Variants in ZNF423 observed in about 807,000 individuals in gnomAD.
The protein encoded by ZNF423 is zinc finger protein 423, also known as Ebf-associated zinc finger protein.
In ZNF423, 12 loss-of-function variants were observed where a neutral mutation model predicts 95.8. The ratio of observed to expected loss-of-function variants is 0.13; its 90% CI spans 0.08 to 0.20. The LOEUF is 0.20. Among genes scored for constraint, ZNF423 ranks in the 10% least tolerant of loss-of-function variants. ZNF423 has a pLI of 1.00. For synonymous variants in ZNF423, 749 were observed against 711.9 expected (o/e 1.05, Z -0.83); for missense variants, 1,316 against 1,737.1 (o/e 0.76, Z 4.31).
intron 5 of ZNF423, among the ~76,000 whole-genome samples, chr16:49,594,865 A>G (rs866743314): frequency 6.6e-6 from 1 of 152,354 alleles, no homozygotes; most frequent in Non-Finnish European, 1.5e-5. Flanking sequence ...TACGACAGGC[A>G]CACACAGGGC....
rs1023326112 is a variant in ZNF423, at chr16:49,637,884, G to A, written c.1292C>T (p.Ala431Val). 2 of 1,614,148 alleles carry A rather than the reference G, an allele frequency of 1.2e-6. No individual in the cohort carries two copies. Among genetic ancestry groups the A allele is most frequent in the Non-Finnish European group, 1.7e-6 (2 of 1,180,034 alleles). The change falls in exon 4 of 8, where the codon GCC (alanine) becomes GTC (valine). Residue 431 changes from alanine to valine, a missense_variant. Coordinates refer to ENST00000563137, the MANE Select transcript of ZNF423 (RefSeq NM_001379286.1). The surrounding 1 kb of genome is among the most constrained non-coding windows in gnomAD (Gnocchi z 5.6). The part of the protein sequence containing the change: ...YCSKRDFNSL[A>V]VLEIHLKTIH... The stretch of plus-strand genomic sequence containing the variant: ...GGTCTTCAGGTGGATCTCCAGCACG[G>A]CCAGGCTGTTAAAGTCCCGCTTGGA...
intron 5 of ZNF423, among the ~76,000 whole-genome samples, chr16:49,537,576 C>T (rs948667487): frequency 6.6e-6 from 1 of 152,198 alleles, no homozygotes; most frequent in Non-Finnish European, 1.5e-5. Flanking sequence ...ATTGGGTCTA[C>T]TCTGGGGAAG....
chr16:49,858,183 G>T (rs1011736750), upstream of ZNF423, among the ~76,000 whole-genome samples: 1 of 151,680 alleles, frequency 6.6e-6, no homozygotes, highest in South Asian at 2.1e-4. The surrounding 1 kb of genome is among the most constrained non-coding windows in gnomAD (Gnocchi z 4.3). Context: ...GTTACCCAGG[G>T]CAACCTTTCA....
chr16:49,857,289 C>T (rs2035381440), upstream of ZNF423, among the ~76,000 whole-genome samples: 2 of 142,426 alleles, frequency 1.4e-5, no homozygotes, highest in South Asian at 4.5e-4. This position sits in a 1 kb window ranked among gnomAD's most constrained non-coding sequence, Gnocchi z 6.2. Context: ...CGGCCGCCCG[C>T]AAAACCCGGA....
upstream of ZNF423, among the ~76,000 whole-genome samples, chr16:49,859,033 G>A (rs2035403299): frequency 6.6e-6 from 1 of 152,208 alleles, no homozygotes; most frequent in Admixed American, 6.5e-5. Context: ...GGCTTTCTGG[G>A]GGGCTGGAGA....
intron 7 of ZNF423, among the ~76,000 whole-genome samples, chr16:49,497,923 GC>G (rs1967227954): frequency 6.6e-6 from 1 of 152,226 alleles, no homozygotes; most frequent in South Asian, 2.1e-4. Context: ...CACAATCCTG[GC>G]CTTTTAAGGA....
At chr16:49,742,916 C>T (rs1306816506) in intron 2 of ZNF423, among the ~76,000 whole-genome samples, 2 of 152,148 alleles carry the variant, frequency 1.3e-5, no homozygotes, top group African/African-American at 2.4e-5. Context: ...TAAACAGAGG[C>T]GGTGTGAATG....
chr16:49,693,430 T>C (rs1051183729), intron 3 of ZNF423, among the ~76,000 whole-genome samples: 4 of 152,184 alleles, frequency 2.6e-5, no homozygotes, highest in African/African-American at 4.8e-5. Context: ...TCCTGTCTTA[T>C]GCGTGAATAA....
At chr16:49,835,443 C>A (rs993888177) in intron 1 of ZNF423, among the ~76,000 whole-genome samples, 3 of 152,190 alleles carry the variant, frequency 2.0e-5, no homozygotes, top group Non-Finnish European at 4.4e-5. Context: ...GGACCTGGTG[C>A]AAAATAAAAG....
chr16:49,493,367 A>T (rs1457447138), intron 7 of ZNF423, among the ~76,000 whole-genome samples: 2 of 152,118 alleles, frequency 1.3e-5, no homozygotes, highest in African/African-American at 4.8e-5. Context: ...CATGAGCTAG[A>T]CTGACCTCCT....
chr16:49,522,213 C>G (rs1227961885), intron 7 of ZNF423, among the ~76,000 whole-genome samples: 2 of 152,192 alleles, frequency 1.3e-5, no homozygotes, highest in Non-Finnish European at 2.9e-5. Flanking sequence ...TTAGGGCTCC[C>G]TTCTCCTTCC....
chr16:49,656,790 G>A lies in ZNF423; in HGVS notation c.302-17916C>T, dbSNP rs150740406. On this transcript the variant is annotated intron_variant, in intron 3 of 7. Coordinates refer to ENST00000563137, the MANE Select transcript of ZNF423 (RefSeq NM_001379286.1). ...CACGTGTTGTCTCATTTTATTTTTT[G>A]TCTCCAAGAAAAAAAATGAGTTGTC... Among the ~76,000 whole-genome samples, 239 of 152,030 alleles carry A rather than the reference G, an allele frequency of 1.6e-3. 1 individual carries two copies. The highest frequency in any genetic ancestry group is 5.2e-3 in the African/African-American group (216 of 41,486).
At chr16:49,562,977 G>A (rs929123814) in intron 5 of ZNF423, among the ~76,000 whole-genome samples, 4 of 152,026 alleles carry the variant, frequency 2.6e-5, no homozygotes, top group African/African-American at 7.3e-5. Context: ...GTAGAGATGG[G>A]GTTTCACCAT....
In ZNF423 at chr16:49,839,961, G is replaced by C. The variant is rs75131361; in HGVS notation, c.40+15774C>G. 9.2e-3 allele frequency among the ~76,000 whole-genome samples: 1,406 copies of C among 152,328 alleles called. 24 individuals are homozygous for C. Among genetic ancestry groups the C allele is most frequent in the African/African-American group, 0.032 (1,316 of 41,562 alleles). On this transcript the variant is annotated intron_variant, in intron 1 of 7. Transcript: ENST00000563137. ...GCCCCAGAACCTAATTTGCTTAACA[G>C]AAATATGCTTGCAGATGGCTCCTCA...
chr16:49,491,019 TGTA>T lies in ZNF423; in HGVS notation c.*253_*255del. 1 of 501,414 alleles carries T rather than the reference TGTA, an allele frequency of 2.0e-6. No individual in the cohort carries two copies. Among genetic ancestry groups the T allele is most frequent in the Non-Finnish European group, 3.6e-6 (1 of 278,784 alleles). 31.1% of individuals were successfully genotyped at this position (501,414 alleles called of 1,614,324 possible). On this transcript the variant is annotated 3_prime_UTR_variant, in exon 8 of 8. Transcript: ENST00000563137. Reference sequence around the variant, plus strand: ...AAGCAGGTTTCTCTAACTCTAGAAATGTAGTCTGCGGCGGAAAGTCTAAAAGCA... The same window carrying T: ...AAGCAGGTTTCTCTAACTCTAGAAATGTCTGCGGCGGAAAGTCTAAAAGCA...
At chr16:49,670,933 T>A (rs2030778995) in intron 3 of ZNF423, among the ~76,000 whole-genome samples, 1 of 152,228 alleles carries the variant, frequency 6.6e-6, no homozygotes, top group Admixed American at 6.5e-5. Context: ...GATCGGAGGC[T>A]ACTTCCCTTA....
chr16:49,657,343 A>G (rs1246854390), intron 3 of ZNF423, among the ~76,000 whole-genome samples: 1 of 152,228 alleles, frequency 6.6e-6, no homozygotes, highest in Admixed American at 6.5e-5. Context: ...GGTGCCCTCC[A>G]GCAGCTCCAG....
intron 3 of ZNF423, among the ~76,000 whole-genome samples, chr16:49,695,370 G>A (rs1178846180): frequency 5.9e-5 from 9 of 152,158 alleles, no homozygotes; most frequent in Non-Finnish European, 1.0e-4. Flanking sequence ...TCGGCTCACC[G>A]CAACCTCCAC....
chr16:49,654,488 G>A (rs746477908), intron 3 of ZNF423, among the ~76,000 whole-genome samples: 8 of 152,254 alleles, frequency 5.3e-5, no homozygotes, highest in Non-Finnish European at 7.3e-5. Flanking sequence ...CAGGGTTGTA[G>A]GGAGCTTTCC....
Sources: allele counts gnomAD v4.1 joint callset (sites outside exome capture counted in the v4.1 genomes callset), GRCh38; gene constraint gnomAD v4.1.1; non-coding constraint Gnocchi (gnomAD v3.1); transcripts MANE v1.5; gene names NCBI Gene and HGNC (gene_info 2026-07-23, HGNC 2026-07-21).